TSG101: variants seen among roughly 807,000 people sequenced by gnomAD.
TSG101 encodes the protein tumor susceptibility 101, also known as tumor susceptibility gene 101 protein.
Under a neutral mutation model 48.5 loss-of-function variants are expected in TSG101, and 19 were observed. The ratio of observed to expected loss-of-function variants is 0.39; its 90% confidence interval spans 0.27 to 0.58. TSG101 has a LOEUF of 0.58. Among genes scored for constraint, TSG101 ranks in the 20% least tolerant of loss-of-function variants. The probability of loss-of-function intolerance (pLI) is 0.55; values close to 1 mark genes in which losing one functional copy is unlikely to be tolerated. For missense variants in TSG101, 365 were observed against 484.4 expected (o/e 0.75, Z 2.31); for synonymous variants, 174 against 169.4 (o/e 1.03, Z -0.21).
intron 7 of TSG101, among the ~76,000 whole-genome samples, chr11:18,498,190 G>C (rs1849813925): frequency 6.6e-6 from 1 of 152,174 alleles, no homozygotes; most frequent in African/African-American, 2.4e-5. Context: ...ACCAGTAGGA[G>C]ATGAGGTCAG....
intron 5 of TSG101, chr11:18,507,561 G>A (rs10500836): frequency 0.37 from 55,883 of 151,904 alleles, 10,821 homozygotes; most frequent in East Asian, 0.66. Context: ...TAAAGAGAAC[G>A]TGAATGCCAA....
At chr11:18,482,884 A>G (rs1849562797) in intron 8 of TSG101, among the ~76,000 whole-genome samples, 1 of 152,198 alleles carries the variant, frequency 6.6e-6, no homozygotes, top group Non-Finnish European at 1.5e-5. Flanking sequence ...GTAACTGGCA[A>G]CATCAAGCAC....
intron 7 of TSG101, chr11:18,490,195 C>G (rs1362427709): frequency 2.5e-6 from 1 of 397,696 alleles, no homozygotes; most frequent in Non-Finnish European, 5.1e-6. Context: ...GTGGAGGGTA[C>G]AGAGTGACAT....
Position 18,517,221 on chromosome 11 carries a change from G to A in TSG101, c.128-1057C>T, listed in dbSNP as rs542154663. 9.9e-5 allele frequency among the ~76,000 whole-genome samples: 15 copies of A among 151,232 alleles called. No individual in the cohort carries two copies. The East Asian group carries it at 2.9e-3, about 30-fold the overall frequency. On this transcript the variant is annotated intron_variant, in intron 2 of 9. Coordinates refer to ENST00000251968, the MANE Select transcript of TSG101 (RefSeq NM_006292.4). Reference sequence around the variant, plus strand: ...TTTAGAAATGGGGTCTAAGTTGTCCGGGCTGGACTTGAACTCCTGGACTCA... The same window carrying A: ...TTTAGAAATGGGGTCTAAGTTGTCCAGGCTGGACTTGAACTCCTGGACTCA...
chr11:18,490,195 C>A (rs1362427709), intron 7 of TSG101: 4 of 397,814 alleles, frequency 1.0e-5, no homozygotes, highest in Non-Finnish European at 2.0e-5. Flanking sequence ...GTGGAGGGTA[C>A]AGAGTGACAT....
At chr11:18,503,156 T>A (rs1043417774) in intron 6 of TSG101, among the ~76,000 whole-genome samples, 16 of 151,940 alleles carry the variant, frequency 1.1e-4, no homozygotes, top group African/African-American at 3.9e-4. Context: ...CCAATCACCT[T>A]TCCAACAATC....
chr11:18,498,211 G>C (rs1490425662), intron 7 of TSG101, among the ~76,000 whole-genome samples: 1 of 152,156 alleles, frequency 6.6e-6, no homozygotes, highest in African/African-American at 2.4e-5. Flanking sequence ...AAAAGTAATG[G>C]GGAAGAGGGC....
At chr11:18,522,272 T>C (rs1194791739) in intron 1 of TSG101, among the ~76,000 whole-genome samples, 1 of 152,216 alleles carries the variant, frequency 6.6e-6, no homozygotes, top group Non-Finnish European at 1.5e-5. Context: ...GACATTTCCC[T>C]TGGATATCTA....
intron 8 of TSG101, among the ~76,000 whole-genome samples, chr11:18,482,115 G>A (rs191532682): frequency 1.3e-5 from 2 of 152,336 alleles, no homozygotes; most frequent in Non-Finnish European, 1.5e-5. Context: ...TAACAAGCTT[G>A]TCACCTGTCA....
chr11:18,508,303 C>T (rs1023228061), intron 5 of TSG101, among the ~76,000 whole-genome samples: 2 of 148,278 alleles, frequency 1.3e-5, no homozygotes, highest in Non-Finnish European at 3.0e-5. Flanking sequence ...CTCACTGCAA[C>T]ATCTGCCTCA....
At position 18,514,785 on chromosome 11, in the gene TSG101, G is replaced by A. The variant is rs1850143193; in HGVS notation, c.250C>T (p.Pro84Ser). The change falls in exon 4 of 10, where the codon CCC becomes TCC. Residue 84 changes from proline to serine, a missense_variant. Pro to Ser is a moderately conservative substitution (Grantham distance 74). Transcript: ENST00000251968. ...GTAGGCTTAACAAAACAGATAGGGGGATTATATGGGTATGTGTCCAGTAGC... is the reference window on the plus strand; with the variant it reads ...GTAGGCTTAACAAAACAGATAGGGGAATTATATGGGTATGTGTCCAGTAGC... Reference protein sequence around the residue: ...LWLLDTYPYNPPICFVKPTSS... With the variant: ...LWLLDTYPYNSPICFVKPTSS... 6.3e-7 allele frequency: 1 copy of A among 1,596,382 alleles called. No individual in the cohort carries two copies. The highest frequency in any genetic ancestry group is 8.5e-7 in the Non-Finnish European group (1 of 1,174,146).
chr11:18,519,270 C>G (rs991633594), intron 2 of TSG101, among the ~76,000 whole-genome samples: 2 of 152,134 alleles, frequency 1.3e-5, no homozygotes, highest in African/African-American at 4.8e-5. Context: ...TCCCAAAGTG[C>G]TGGGATTACA....
chr11:18,499,402 A>ATATATATATATATATATTTT, intron 7 of TSG101, among the ~76,000 whole-genome samples: 5 of 5,440 alleles, frequency 9.2e-4, no homozygotes, highest in Non-Finnish European at 1.4e-3. Flanking sequence ...ATATATATAT[A>ATATATATATATATATATTTT]TTTTTTTTTT....
chr11:18,523,043 C>G (rs1397067522), intron 1 of TSG101, among the ~76,000 whole-genome samples: 1 of 152,066 alleles, frequency 6.6e-6, no homozygotes, highest in Non-Finnish European at 1.5e-5. Flanking sequence ...GTATGCACCA[C>G]GCCTGGCTAA....
intron 4 of TSG101, among the ~76,000 whole-genome samples, chr11:18,512,407 G>C (rs1850098962): frequency 6.6e-6 from 1 of 152,070 alleles, no homozygotes; most frequent in South Asian, 2.1e-4. Flanking sequence ...TTTCCACTTA[G>C]TTTCTTTTTA....
At chr11:18,503,618 C>T (rs1173226889) in intron 6 of TSG101, among the ~76,000 whole-genome samples, 3 of 152,032 alleles carry the variant, frequency 2.0e-5, no homozygotes, top group East Asian at 1.9e-4. Flanking sequence ...GTGATTCACC[C>T]GCCTCAGCCT....
At chr11:18,507,070 C>T (rs1849986568) in intron 5 of TSG101, 147 bp from the exon 6 acceptor site, 4 of 472,006 alleles carry the variant, frequency 8.5e-6, no homozygotes, top group Middle Eastern at 4.5e-4. Context: ...AAAACAAATA[C>T]CTCTCCCTTT....
chr11:18,483,930 T>G lies in TSG101; in HGVS notation c.783A>C (p.Glu261Asp), dbSNP rs140101726. ...GTTTCTGGTGACCCTTTTTCAGGTC[T>G]TCTTCTGTTCGTTTCAAGGCATTGA... ...AELNALKRTE[E>D]DLKKGHQKLE... The change falls in exon 8 of 10, where the codon GAA becomes GAC. Residue 261 changes from glutamate to aspartate, a missense_variant. Coordinates refer to ENST00000251968, the MANE Select transcript of TSG101 (RefSeq NM_006292.4). 1.6e-4 allele frequency: 264 copies of G among 1,614,068 alleles called. No individual in the cohort carries two copies. Among genetic ancestry groups the G allele is most frequent in the East Asian group, 1.6e-4 (7 of 44,896 alleles).
At chr11:18,505,424 T>G (rs1197102530) in intron 6 of TSG101, among the ~76,000 whole-genome samples, 1 of 152,178 alleles carries the variant, frequency 6.6e-6, no homozygotes, top group South Asian at 2.1e-4. Context: ...CCTGGCTAAT[T>G]TTAATTTTTT....
Sources: allele counts gnomAD v4.1 joint callset (sites outside exome capture counted in the v4.1 genomes callset), GRCh38; gene constraint gnomAD v4.1.1; transcripts MANE v1.5; gene names NCBI Gene and HGNC (gene_info 2026-07-23, HGNC 2026-07-21).